The following CTNNA3 variants were observed in gnomAD, a reference collection of about 807,000 sequenced individuals.
CTNNA3 encodes the protein catenin alpha 3.
Under a neutral mutation model 95.7 loss-of-function variants are expected in CTNNA3, and 76 were observed. The observed-to-expected ratio is 0.79, with a 90% CI of 0.66 to 0.96. The LOEUF is 0.96. CTNNA3 is among the 40% of genes least tolerant of loss of function. The probability of loss-of-function intolerance (pLI) is 0.00; values close to 1 mark genes in which losing one functional copy is unlikely to be tolerated. For missense variants in CTNNA3, 1,191 were observed against 1,089.8 expected, an observed-to-expected ratio of 1.09 and a Z score of -1.31; for synonymous variants, 431 against 374.4, an observed-to-expected ratio of 1.15 and a Z score of -1.74.
At chr10:66,256,526 C>T (rs948694751) in intron 13 of CTNNA3, among the ~76,000 whole-genome samples, 1 of 152,058 alleles carries the variant, frequency 6.6e-6, no homozygotes, top group Non-Finnish European at 1.5e-5. Context: ...TCGAGACCAG[C>T]CTGGCCAACA....
At chr10:67,579,016 T>C (rs1241402233) in intron 3 of CTNNA3, among the ~76,000 whole-genome samples, 5 of 119,582 alleles carry the variant, frequency 4.2e-5, no homozygotes, top group Admixed American at 1.7e-4. Context: ...TATATATATA[T>C]ATATATATAT....
chr10:67,561,016 T>C (rs1203408540), intron 3 of CTNNA3, among the ~76,000 whole-genome samples: 2 of 150,880 alleles, frequency 1.3e-5, no homozygotes, highest in Non-Finnish European at 3.0e-5. Flanking sequence ...CAAAGAGACT[T>C]AGACTCCCAC....
At chr10:67,615,957 C>T (rs1167283544) in intron 2 of CTNNA3, among the ~76,000 whole-genome samples, 2 of 152,034 alleles carry the variant, frequency 1.3e-5, no homozygotes, top group African/African-American at 2.4e-5. Flanking sequence ...AGCCACTGCA[C>T]CTGGCCAATA....
At chr10:65,983,376 T>A (rs185380926) in intron 16 of CTNNA3, among the ~76,000 whole-genome samples, 52 of 151,698 alleles carry the variant, frequency 3.4e-4, no homozygotes, top group Non-Finnish European at 4.0e-4. Flanking sequence ...ACTGCTTCTA[T>A]AACTATTTGA....
chr10:67,070,400 T>C (rs145536704), intron 7 of CTNNA3, among the ~76,000 whole-genome samples: 208 of 152,304 alleles, frequency 1.4e-3, no homozygotes, highest in African/African-American at 4.8e-3. Flanking sequence ...TTCTTAGTTT[T>C]AATATAAACC....
At chr10:66,900,449 A>C (rs1226903906) in intron 7 of CTNNA3, among the ~76,000 whole-genome samples, 2 of 152,204 alleles carry the variant, frequency 1.3e-5, no homozygotes. Context: ...ATTTCAAAAA[A>C]ACAGAGTGCC....
rs531187557 is a variant in CTNNA3 at position 67,150,359 on chromosome 10, T to C, written c.1047+29958A>G. On this transcript the variant is annotated intron_variant, in intron 7 of 17. Transcript: ENST00000433211. ...ATGCTGTATGTAGGAAAAAAATAAA[T>C]ATGAATGAATCAGCATGTACAGAAA... 5.1e-4 allele frequency among the ~76,000 whole-genome samples: 77 copies of C among 152,248 alleles called. No homozygotes were observed. The Middle Eastern group carries it at 0.014, about 27-fold the overall frequency.
chr10:67,063,491 C>T (rs1855883747), intron 7 of CTNNA3, among the ~76,000 whole-genome samples: 1 of 152,140 alleles, frequency 6.6e-6, no homozygotes, highest in African/African-American at 2.4e-5. Context: ...TTCACTCCAG[C>T]TGGCACGAAC....
At chr10:66,154,740 A>ATATATATATATATATATATATC (rs2084397954) in intron 13 of CTNNA3, among the ~76,000 whole-genome samples, 1 of 142,922 alleles carries the variant, frequency 7.0e-6, no homozygotes, top group Non-Finnish European at 1.5e-5. Context: ...ATATATATAT[A>ATATATATATATATATATATATC]TTTCCCTTGA....
intron 9 of CTNNA3, among the ~76,000 whole-genome samples, chr10:66,640,882 T>A (rs1845494520): frequency 6.6e-6 from 1 of 152,054 alleles, no homozygotes; most frequent in Admixed American, 6.6e-5. Flanking sequence ...CGAACAAACA[T>A]ACCAAGCATC....
At chr10:67,481,805 A>G (rs910147856) in intron 5 of CTNNA3, among the ~76,000 whole-genome samples, 25 of 152,080 alleles carry the variant, frequency 1.6e-4, no homozygotes, top group African/African-American at 5.8e-4. Flanking sequence ...TTGGTGTTTT[A>G]GACATGAAGT....
chr10:65,957,617 TG>T (rs1248223926), intron 17 of CTNNA3, among the ~76,000 whole-genome samples: 22 of 152,336 alleles, frequency 1.4e-4, no homozygotes, highest in Non-Finnish European at 5.9e-5. Context: ...TTTGCTTGTC[TG>T]TAAAGGATTT....
chr10:66,638,637 C>T (rs77042276), intron 9 of CTNNA3, among the ~76,000 whole-genome samples: 108 of 152,176 alleles, frequency 7.1e-4, no homozygotes, highest in African/African-American at 2.4e-3. Context: ...TCAAGGCCCA[C>T]ACCATCATCT....
At chr10:66,418,556 G>GACACACACATACAC (rs1554959356) in intron 11 of CTNNA3, among the ~76,000 whole-genome samples, 1 of 144,492 alleles carries the variant, frequency 6.9e-6, no homozygotes, top group African/African-American at 2.6e-5. Flanking sequence ...AGCACACAGG[G>GACACACACATACAC]ACACACACAC....
At chr10:67,123,123 A>C (rs1177800342) in intron 7 of CTNNA3, among the ~76,000 whole-genome samples, 2 of 151,962 alleles carry the variant, frequency 1.3e-5, no homozygotes, top group Non-Finnish European at 2.9e-5. Context: ...ATGAAGAAAC[A>C]CTCCTGTAAA....
chr10:67,198,357 TCTTACTTTATCAGGTCCTTTTCC>T (rs1207377638), intron 6 of CTNNA3, among the ~76,000 whole-genome samples: 1 of 152,090 alleles, frequency 6.6e-6, no homozygotes, highest in Non-Finnish European at 1.5e-5. Context: ...GTCACGAAGG[TCTTACTTTATCAGGTCCTTTTCC>T]CTAACAACTA....
At chr10:66,185,117 C>A (rs898373017) in intron 13 of CTNNA3, among the ~76,000 whole-genome samples, 4 of 152,158 alleles carry the variant, frequency 2.6e-5, no homozygotes, top group African/African-American at 9.7e-5. Context: ...TCCTATCTTT[C>A]CTACTGAATC....
chr10:67,072,380 A>C (rs1856512616), intron 7 of CTNNA3, among the ~76,000 whole-genome samples: 1 of 152,108 alleles, frequency 6.6e-6, no homozygotes, highest in Non-Finnish European at 1.5e-5. Flanking sequence ...ATCTGCTTCA[A>C]ATGTATACTT....
At chr10:67,740,594 C>A (rs1354851816) in intron 1 of CTNNA3, among the ~76,000 whole-genome samples, 1 of 151,432 alleles carries the variant, frequency 6.6e-6, no homozygotes, top group Non-Finnish European at 1.5e-5. Context: ...AAATGCAAAT[C>A]AAAACCACAA....
Sources: allele counts gnomAD v4.1 joint callset (sites outside exome capture counted in the v4.1 genomes callset), GRCh38; gene constraint gnomAD v4.1.1; transcripts MANE v1.5; gene names NCBI Gene and HGNC (gene_info 2026-07-23, HGNC 2026-07-21).